The following SIK2 variants were observed in gnomAD, a reference collection of about 807,000 sequenced individuals.
SIK2 encodes the protein salt inducible kinase 2, also known as serine/threonine-protein kinase SIK2.
SIK2 carries 29 observed loss-of-function variants against 103.2 expected under a neutral mutation model. The observed-to-expected ratio is 0.28, with a 90% CI of 0.21 to 0.38. The LOEUF is 0.38. Among genes scored for constraint, SIK2 ranks in the 10% least tolerant of loss-of-function variants. The probability of loss-of-function intolerance (pLI) is 1.00; values close to 1 mark genes in which losing one functional copy is unlikely to be tolerated. For synonymous variants in SIK2, 412 were observed against 446.1 expected (o/e 0.92, Z 0.96); for missense variants, 879 against 1,171.0 (o/e 0.75, Z 3.64).
At chr11:111,628,354 C>G (rs868857442) in intron 3 of SIK2, among the ~76,000 whole-genome samples, 3 of 151,412 alleles carry the variant, frequency 2.0e-5, no homozygotes, top group Middle Eastern at 6.8e-3. Flanking sequence ...ACGGATGATA[C>G]AGTCCCCATG....
At position 111,705,506 on chromosome 11, in the gene SIK2, C is replaced by T. The variant is rs867482248; in HGVS notation, c.1101+367C>T. 6.6e-5 allele frequency among the ~76,000 whole-genome samples: 10 copies of T among 151,996 alleles called. No homozygotes were observed. Among genetic ancestry groups the T allele is most frequent in the African/African-American group, 1.7e-4 (7 of 41,376 alleles). On this transcript the variant is annotated intron_variant, in intron 8 of 14. Transcript: ENST00000304987. This position sits in a 1 kb window ranked among gnomAD's most constrained non-coding sequence, Gnocchi z 4.3. ...CTACAGTCACTGCCCTCAGAGACAT[C>T]GCGCTATAAAAATGAAATAAGACAA...
chr11:111,718,320 C>T lies in SIK2; in HGVS notation c.1267-1455C>T, dbSNP rs367694141. On this transcript the variant is annotated intron_variant, in intron 9 of 14. Coordinates refer to ENST00000304987, the MANE Select transcript of SIK2 (RefSeq NM_015191.3). Reference sequence around the variant, plus strand: ...ACAGCCATTCTTTCTTGCAAGGAAACTATTAAGTTTAGTCAAAAAGGAAAG... The same window carrying T: ...ACAGCCATTCTTTCTTGCAAGGAAATTATTAAGTTTAGTCAAAAAGGAAAG... Among the ~76,000 whole-genome samples the T allele has an allele frequency of 7.3e-4, 111 of 152,238 alleles. 4 individuals carry two copies. In the South Asian group the frequency reaches 0.022, roughly 30 times the overall value.
At chr11:111,609,156 T>C (rs943523887) in intron 1 of SIK2, among the ~76,000 whole-genome samples, 1 of 152,090 alleles carries the variant, frequency 6.6e-6, no homozygotes, top group Non-Finnish European at 1.5e-5. Context: ...TGCATTGTCT[T>C]TTTTGTTGAT....
chr11:111,699,615 T>TA (rs1256248965), intron 4 of SIK2, among the ~76,000 whole-genome samples: 1 of 152,238 alleles, frequency 6.6e-6, no homozygotes, highest in African/African-American at 2.4e-5. Context: ...GAAGCTGTAA[T>TA]AATGGGGATT....
intron 2 of SIK2, among the ~76,000 whole-genome samples, chr11:111,619,999 C>G (rs954120773): frequency 3.3e-5 from 5 of 152,304 alleles, no homozygotes; most frequent in Admixed American, 6.5e-5. Context: ...TAGTACTTCT[C>G]AAACTTTAAT....
At chr11:111,651,613 T>G (rs559013738) in intron 3 of SIK2, among the ~76,000 whole-genome samples, 1 of 152,274 alleles carries the variant, frequency 6.6e-6, no homozygotes, top group South Asian at 2.1e-4. Flanking sequence ...TCGGTAGGTG[T>G]GGCAAACCAC....
intron 3 of SIK2, among the ~76,000 whole-genome samples, chr11:111,678,879 C>G (rs1417820990): frequency 1.3e-5 from 2 of 152,140 alleles, no homozygotes; most frequent in African/African-American, 2.4e-5. Flanking sequence ...ATGTGCAGAG[C>G]AATTTAAGGT....
In SIK2 at chr11:111,730,143, ACT is replaced by A. The variant is rs1361484786; in HGVS notation, c.*6017_*6018del. 1 of 152,168 alleles carries A rather than the reference ACT, an allele frequency of 6.6e-6. No homozygotes were observed. Among genetic ancestry groups the A allele is most frequent in the Non-Finnish European group, 1.5e-5 (1 of 68,028 alleles). The allele number at this position is 152,168 out of a possible 1,614,324, so 9.4% of individuals were successfully genotyped here. ...AAGTAATAACAGACTTTGACTTAAT[ACT>A]CTGTCTTTTCAGAGGCAAAGTGGGT... On this transcript the variant is annotated 3_prime_UTR_variant, in exon 15 of 15. Coordinates refer to ENST00000304987, the MANE Select transcript of SIK2 (RefSeq NM_015191.3).
intron 3 of SIK2, among the ~76,000 whole-genome samples, chr11:111,627,857 A>C (rs1565316977): frequency 6.6e-6 from 1 of 152,168 alleles, no homozygotes; most frequent in Non-Finnish European, 1.5e-5. Flanking sequence ...AATGACTTGA[A>C]ATTAAATCCT....
intron 3 of SIK2, among the ~76,000 whole-genome samples, chr11:111,626,443 C>T (rs1941961815): frequency 6.6e-6 from 1 of 150,836 alleles, no homozygotes; most frequent in Non-Finnish European, 1.5e-5. Flanking sequence ...ACCTTGATGT[C>T]AGTATTGATT....
chr11:111,609,478 T>G (rs1941691750), intron 1 of SIK2, among the ~76,000 whole-genome samples: 1 of 152,094 alleles, frequency 6.6e-6, no homozygotes, highest in Non-Finnish European at 1.5e-5. Flanking sequence ...CACACCACCA[T>G]GCCTGGCTAA....
At chr11:111,607,942 A>T (rs1941669447) in intron 1 of SIK2, among the ~76,000 whole-genome samples, 1 of 152,210 alleles carries the variant, frequency 6.6e-6, no homozygotes, top group South Asian at 2.1e-4. Flanking sequence ...ATTATTTGGA[A>T]ATAACTGAAA....
intron 8 of SIK2, among the ~76,000 whole-genome samples, chr11:111,710,157 G>A (rs1321289773): frequency 6.6e-6 from 1 of 152,174 alleles, no homozygotes; most frequent in Non-Finnish European, 1.5e-5. Context: ...AGTGGGAAGT[G>A]TAAATTTTAC....
chr11:111,672,135 G>T (rs940898667), intron 3 of SIK2: 10 of 446,234 alleles, frequency 2.2e-5, no homozygotes, highest in African/African-American at 1.8e-4. Context: ...CGGCCTGGAT[G>T]TTGGGGTCCA....
chr11:111,610,128 A>G (rs763827104), intron 1 of SIK2, among the ~76,000 whole-genome samples: 2 of 152,214 alleles, frequency 1.3e-5, no homozygotes, highest in African/African-American at 2.4e-5. Flanking sequence ...CAACTTTTGT[A>G]TATGTGGTTT....
At chr11:111,706,260 T>G (rs1943343313) in intron 8 of SIK2, among the ~76,000 whole-genome samples, 1 of 152,194 alleles carries the variant, frequency 6.6e-6, no homozygotes, top group Non-Finnish European at 1.5e-5. Flanking sequence ...TAATAAATAA[T>G]TGCTGGGGAG....
At chr11:111,609,305 A>G (rs770522448) in intron 1 of SIK2, among the ~76,000 whole-genome samples, 2 of 151,854 alleles carry the variant, frequency 1.3e-5, no homozygotes, top group Non-Finnish European at 2.9e-5. Flanking sequence ...CCTACCCACT[A>G]TTATAAAAGT....
chr11:111,723,464 TA>T (rs770332930), intron 14 of SIK2, 31 bp from the exon 15 acceptor site: 1 of 1,552,170 alleles, frequency 6.4e-7, no homozygotes, highest in South Asian at 1.2e-5. Flanking sequence ...TGAGAAGATT[TA>T]AAATTCTTTC....
At chr11:111,710,376 A>G (rs761905879) in intron 8 of SIK2, among the ~76,000 whole-genome samples, 11 of 152,330 alleles carry the variant, frequency 7.2e-5, no homozygotes, top group Non-Finnish European at 1.6e-4. Flanking sequence ...TACCATTCTG[A>G]CACTTTGCTA....
Sources: gnomAD v4.1 joint callset for allele counts (sites outside exome capture counted in the v4.1 genomes callset) on GRCh38, gnomAD v4.1.1 for gene constraint, Gnocchi (gnomAD v3.1) non-coding constraint, MANE v1.5 for transcripts, NCBI Gene and HGNC (gene_info 2026-07-23, HGNC 2026-07-21) for gene names.